Variants in LINGO2 observed in about 807,000 individuals in gnomAD.
LINGO2 encodes leucine-rich repeat and immunoglobulin-like domain-containing nogo receptor-interacting protein 2.
In LINGO2, 14 loss-of-function variants were observed where a neutral mutation model predicts 30.6. The ratio of observed to expected loss-of-function variants is 0.46; its 90% CI spans 0.30 to 0.72. The LOEUF is 0.72. Among genes scored for constraint, LINGO2 ranks in the 30% least tolerant of loss-of-function variants. LINGO2 has a pLI of 0.07. For missense variants in LINGO2, 729 were observed against 751.7 expected, an observed-to-expected ratio of 0.97 and a Z score of 0.35; for synonymous variants, 317 against 288.5, an observed-to-expected ratio of 1.10 and a Z score of -1.00.
At chr9:28,236,661 T>C (rs1821576610) in intron 4 of LINGO2, among the ~76,000 whole-genome samples, 1 of 152,062 alleles carries the variant, frequency 6.6e-6, no homozygotes, top group South Asian at 2.1e-4. Context: ...TTCTCACTTG[T>C]TTGTGAGATC....
chr9:29,110,371 C>T, the LINGO2 span, among the ~76,000 whole-genome samples: 1 of 152,132 alleles, frequency 6.6e-6, no homozygotes, highest in South Asian at 2.1e-4. Flanking sequence ...CTTGCTCCGT[C>T]GCCCAGGCTG....
chr9:29,169,784 G>A, the LINGO2 span, among the ~76,000 whole-genome samples: 3 of 152,018 alleles, frequency 2.0e-5, no homozygotes, highest in East Asian at 1.9e-4. Context: ...AGCAGATCAC[G>A]AGGTCAGGGA....
the LINGO2 span, among the ~76,000 whole-genome samples, chr9:29,053,716 A>G: frequency 1.3e-5 from 2 of 152,178 alleles, no homozygotes; most frequent in African/African-American, 2.4e-5. Context: ...ATGTTGTGGT[A>G]AAACTTGGTT....
chr9:28,336,730 T>C (rs947658852), intron 3 of LINGO2, among the ~76,000 whole-genome samples: 27 of 152,140 alleles, frequency 1.8e-4, no homozygotes, highest in Admixed American at 6.6e-5. Context: ...TATGTGCATC[T>C]GGGTTTAGAA....
intron 4 of LINGO2, among the ~76,000 whole-genome samples, chr9:28,026,608 T>G (rs1823387275): frequency 1.3e-5 from 2 of 152,230 alleles, no homozygotes; most frequent in South Asian, 4.1e-4. Flanking sequence ...GATCCATCTC[T>G]GCAACTAAAT....
chr9:28,403,074 A>C (rs1335927830), intron 2 of LINGO2, among the ~76,000 whole-genome samples: 1 of 152,204 alleles, frequency 6.6e-6, no homozygotes, highest in Non-Finnish European at 1.5e-5. Flanking sequence ...ACTTTCATTA[A>C]GATAACTTTG....
intron 2 of LINGO2, among the ~76,000 whole-genome samples, chr9:28,452,563 T>A (rs974578835): frequency 6.6e-6 from 1 of 151,844 alleles, no homozygotes; most frequent in African/African-American, 2.4e-5. Context: ...ATCCCCTACC[T>A]CATGCAATAC....
intron 1 of LINGO2, among the ~76,000 whole-genome samples, chr9:28,516,633 A>C (rs1442435971): frequency 6.6e-6 from 1 of 152,210 alleles, no homozygotes; most frequent in Admixed American, 6.5e-5. Flanking sequence ...TTTTAAAAAA[A>C]TTTAAAACCA....
At chr9:29,211,315 A>G in the LINGO2 span, among the ~76,000 whole-genome samples, 1 of 152,316 alleles carries the variant, frequency 6.6e-6, no homozygotes, top group Admixed American at 6.5e-5. Context: ...TTGCTTAGAC[A>G]CACTCATCAA....
chr9:29,084,095 A>G, the LINGO2 span, among the ~76,000 whole-genome samples: 7 of 146,822 alleles, frequency 4.8e-5, no homozygotes, highest in Non-Finnish European at 1.1e-4. Context: ...AATAAATTTG[A>G]TTTAATTATG....
At chr9:29,055,949 C>CATATATGTGTAT in the LINGO2 span, among the ~76,000 whole-genome samples, 3 of 123,138 alleles carry the variant, frequency 2.4e-5, no homozygotes, top group African/African-American at 9.3e-5. Flanking sequence ...TGTATATATA[C>CATATATGTGTAT]ATATATATGT....
At chr9:28,221,606 T>C (rs1485111131) in intron 4 of LINGO2, among the ~76,000 whole-genome samples, 1 of 152,180 alleles carries the variant, frequency 6.6e-6, no homozygotes, top group Non-Finnish European at 1.5e-5. Context: ...ACTTTCCAAT[T>C]ACTTGTCAAA....
At chr9:28,914,759 G>C in the LINGO2 span, among the ~76,000 whole-genome samples, 1 of 152,162 alleles carries the variant, frequency 6.6e-6, no homozygotes, top group Non-Finnish European at 1.5e-5. Context: ...CCTCCTGTAT[G>C]ACAAGGGATG....
chr9:28,991,373 C>A, the LINGO2 span, among the ~76,000 whole-genome samples: 1 of 151,212 alleles, frequency 6.6e-6, no homozygotes, highest in Non-Finnish European at 1.5e-5. Flanking sequence ...TGTGAAAAGA[C>A]CAAATCTACG....
chr9:28,228,118 G>T (rs964198132), intron 4 of LINGO2, among the ~76,000 whole-genome samples: 5 of 151,824 alleles, frequency 3.3e-5, no homozygotes, highest in African/African-American at 4.8e-5. Context: ...TTTGAAAAAA[G>T]ATGAATCCTT....
chr9:28,376,054 G>A (rs1365271416), intron 2 of LINGO2, among the ~76,000 whole-genome samples: 1 of 151,780 alleles, frequency 6.6e-6, no homozygotes, highest in Non-Finnish European at 1.5e-5. Flanking sequence ...TGGCATGCAG[G>A]TGATACACTA....
chr9:28,509,629 G>A (rs1322401634), intron 1 of LINGO2, among the ~76,000 whole-genome samples: 1 of 152,164 alleles, frequency 6.6e-6, no homozygotes, highest in Non-Finnish European at 1.5e-5. Context: ...AAGGTTAAAC[G>A]AGGTCATAAG....
At chr9:28,380,107 A>G (rs1344332493) in intron 2 of LINGO2, among the ~76,000 whole-genome samples, 2 of 152,050 alleles carry the variant, frequency 1.3e-5, no homozygotes, top group African/African-American at 4.8e-5. Context: ...TGCCACACAT[A>G]TTTACAGCTG....
At chr9:27,971,153 C>G (rs1244709276) in intron 5 of LINGO2, among the ~76,000 whole-genome samples, 1 of 151,902 alleles carries the variant, frequency 6.6e-6, no homozygotes, top group African/African-American at 2.4e-5. Flanking sequence ...GTATTTTTCA[C>G]AATAAACATA....
Sources: allele counts gnomAD v4.1 joint callset (sites outside exome capture counted in the v4.1 genomes callset), GRCh38; gene constraint gnomAD v4.1.1; transcripts MANE v1.5; gene names NCBI Gene and HGNC (gene_info 2026-07-23, HGNC 2026-07-21).